Variants in DSCAML1 observed in about 807,000 individuals in gnomAD.
DSCAML1 encodes DS cell adhesion molecule like 1, also known as cell adhesion molecule DSCAML1.
DSCAML1 carries 38 observed loss-of-function variants against 200.5 expected under a neutral mutation model. The ratio of observed to expected loss-of-function variants is 0.19; its 90% CI spans 0.15 to 0.25. The LOEUF (loss-of-function observed/expected upper bound fraction) is 0.25. Among genes scored for constraint, DSCAML1 ranks in the 10% least tolerant of loss-of-function variants. The pLI, the probability that DSCAML1 is intolerant of heterozygous loss-of-function variation, is 1.00. For missense variants in DSCAML1, 2,223 were observed against 2,858.8 expected, an observed-to-expected ratio of 0.78 and a Z score of 5.07; for synonymous variants, 1,215 against 1,165.0, an observed-to-expected ratio of 1.04 and a Z score of -0.87.
chr11:117,492,628 C>G (rs1033941476), intron 11 of DSCAML1, among the ~76,000 whole-genome samples: 1 of 152,200 alleles, frequency 6.6e-6, no homozygotes, highest in Non-Finnish European at 1.5e-5. Flanking sequence ...TGTCGCTGCT[C>G]CTTGTTAACA....
intron 6 of DSCAML1, among the ~76,000 whole-genome samples, chr11:117,520,480 A>T (rs1565761096): frequency 6.6e-6 from 1 of 152,150 alleles, no homozygotes; most frequent in Non-Finnish European, 1.5e-5. Flanking sequence ...CTGAAATTCT[A>T]GTAATTTCCA....
In DSCAML1 at chr11:117,780,866, A is replaced by G; in HGVS notation, c.47-56T>C. 1 of 1,351,496 alleles carries G rather than the reference A, an allele frequency of 7.4e-7. No individual in the cohort carries two copies. The allele number at this position is 1,351,496 out of a possible 1,614,324, so 83.7% of individuals were successfully genotyped here. A position where few individuals can be genotyped will look rare whatever the true frequency, so the allele number is the denominator to read the frequency against. ...TAGCATGGGCTCTAACAATACCCAT[A>G]TAAGCCACGGAGGCTTGCGACAGGC... On this transcript the variant is annotated intron_variant, in intron 1 of 32. Transcript: ENST00000651296. The surrounding 1 kb of genome is among the most constrained non-coding windows in gnomAD (Gnocchi z 4.8).
rs2052420501 is a variant in DSCAML1 at position 117,642,038 on chromosome 11, A to G, written c.512-109516T>C. Reference sequence around the variant, plus strand: ...ACCCCACCCTGCCTCTCCCCACTCCAACAGCCCCTGGTGACAGCTCCCTTT... The same window carrying G: ...ACCCCACCCTGCCTCTCCCCACTCCGACAGCCCCTGGTGACAGCTCCCTTT... On this transcript the variant is annotated intron_variant, in intron 3 of 32. Coordinates refer to ENST00000651296, the MANE Select transcript of DSCAML1 (RefSeq NM_020693.4). This position sits in a 1 kb window ranked among gnomAD's most constrained non-coding sequence, Gnocchi z 4.1. Among the ~76,000 whole-genome samples, 1 of 152,000 alleles carries G rather than the reference A, an allele frequency of 6.6e-6. No homozygotes were observed. Among genetic ancestry groups the G allele is most frequent in the South Asian group, 2.1e-4 (1 of 4,816 alleles).
intron 3 of DSCAML1, among the ~76,000 whole-genome samples, chr11:117,695,430 T>C (rs1024259213): frequency 6.6e-6 from 1 of 151,298 alleles, no homozygotes; most frequent in African/African-American, 2.4e-5. Flanking sequence ...GATGTGTATG[T>C]TGGGTCACCA....
At chr11:117,628,615 C>T (rs1459816177) in intron 3 of DSCAML1, among the ~76,000 whole-genome samples, 1 of 152,188 alleles carries the variant, frequency 6.6e-6, no homozygotes, top group Non-Finnish European at 1.5e-5. Flanking sequence ...CTTGGACTTG[C>T]ACTATCTGGT....
chr11:117,714,542 G>A (rs535398714), intron 3 of DSCAML1, among the ~76,000 whole-genome samples: 1 of 152,246 alleles, frequency 6.6e-6, no homozygotes, highest in East Asian at 1.9e-4. Context: ...GCTGGCTGGT[G>A]CAGTGACTCA....
At chr11:117,440,305 AG>A (rs1467031241) in intron 21 of DSCAML1, among the ~76,000 whole-genome samples, 1 of 152,176 alleles carries the variant, frequency 6.6e-6, no homozygotes, top group East Asian at 1.9e-4. Context: ...GGTGCGAGGC[AG>A]GGGGAATGAA....
chr11:117,666,748 G>A (rs1338799389), intron 3 of DSCAML1, among the ~76,000 whole-genome samples: 2 of 152,204 alleles, frequency 1.3e-5, no homozygotes, highest in East Asian at 3.9e-4. Context: ...GGTTTTAGAT[G>A]TGGCTACCTC....
At chr11:117,539,996 A>T (rs2050237987) in intron 3 of DSCAML1, among the ~76,000 whole-genome samples, 1 of 152,264 alleles carries the variant, frequency 6.6e-6, no homozygotes, top group Admixed American at 6.5e-5. Context: ...TCTTGAGGAC[A>T]TTATCCTAAG....
At chr11:117,438,751 T>C (rs963426596) in intron 24 of DSCAML1, 134 bp downstream of exon 24, 3 of 817,068 alleles carry the variant, frequency 3.7e-6, no homozygotes, top group Non-Finnish European at 5.3e-6. Context: ...TTGAGTGACT[T>C]CCTTGTGGGT....
chr11:117,699,950 C>G (rs966817745), intron 3 of DSCAML1, among the ~76,000 whole-genome samples: 4 of 152,200 alleles, frequency 2.6e-5, no homozygotes, highest in Admixed American at 6.5e-5. Flanking sequence ...CCTAAGCTGA[C>G]AGAGGGTCGA....
chr11:117,545,246 C>G (rs867822917), intron 3 of DSCAML1, among the ~76,000 whole-genome samples: 2 of 134,518 alleles, frequency 1.5e-5, no homozygotes, highest in Non-Finnish European at 3.1e-5. Flanking sequence ...CACACACACA[C>G]ACACACACAC....
chr11:117,492,056 C>T (rs912094243), intron 11 of DSCAML1, among the ~76,000 whole-genome samples: 12 of 152,128 alleles, frequency 7.9e-5, no homozygotes, highest in African/African-American at 2.7e-4. Context: ...TACACAGATC[C>T]TACCCTGCCC....
intron 3 of DSCAML1, among the ~76,000 whole-genome samples, chr11:117,533,831 T>C (rs1215881133): frequency 1.3e-5 from 2 of 152,188 alleles, no homozygotes; most frequent in East Asian, 1.9e-4. Flanking sequence ...TGCACTAGAC[T>C]CCCTAAGCTC....
chr11:117,805,022 GT>G (rs1387590923), intron 1 of DSCAML1, among the ~76,000 whole-genome samples: 1 of 152,180 alleles, frequency 6.6e-6, no homozygotes, highest in Non-Finnish European at 1.5e-5. Flanking sequence ...CCCTCAGTAG[GT>G]AGCTGATCTT....
At chr11:117,618,020 CCTCTCT>C (rs2051848851) in intron 3 of DSCAML1, among the ~76,000 whole-genome samples, 2 of 152,172 alleles carry the variant, frequency 1.3e-5, no homozygotes, top group South Asian at 4.1e-4. Context: ...TCTCCCTCTC[CCTCTCT>C]CTCATCTATG....
At chr11:117,475,693 C>G (rs571218617) in intron 14 of DSCAML1, among the ~76,000 whole-genome samples, 4 of 152,188 alleles carry the variant, frequency 2.6e-5, no homozygotes, top group Non-Finnish European at 5.9e-5. Flanking sequence ...CCTCTGCACT[C>G]TGTGGCCACA....
chr11:117,532,299 G>T, intron 4 of DSCAML1, 77 bp downstream of exon 4: 1 of 1,479,026 alleles, frequency 6.8e-7, no homozygotes, highest in Non-Finnish European at 9.2e-7. Flanking sequence ...TCTGCGGTGG[G>T]GCGTGCCAAG....
chr11:117,565,622 A>G lies in DSCAML1; in HGVS notation c.512-33100T>C, dbSNP rs80171652. On this transcript the variant is annotated intron_variant, in intron 3 of 32. Transcript: ENST00000651296. ...TCCTGGATGAGTGTCTGCCACACAG[A>G]AGGGGCTCCATGTGGGTGGCAGGAA... Among the ~76,000 whole-genome samples the G allele has an allele frequency of 4.4e-3, 665 of 152,272 alleles. 2 individuals are homozygous for G. Among genetic ancestry groups the G allele is most frequent in the African/African-American group, 0.014 (593 of 41,544 alleles).
Sources: gnomAD v4.1 joint callset for allele counts (sites outside exome capture counted in the v4.1 genomes callset) on GRCh38, gnomAD v4.1.1 for gene constraint, Gnocchi (gnomAD v3.1) non-coding constraint, MANE v1.5 for transcripts, NCBI Gene and HGNC (gene_info 2026-07-23, HGNC 2026-07-21) for gene names.